GCNT4: variants seen among roughly 807,000 people sequenced by gnomAD.
The protein encoded by GCNT4 is beta-1,3-galactosyl-O-glycosyl-glycoprotein beta-1,6-N-acetylglucosaminyltransferase 4.
A neutral mutation model predicts 31.3 loss-of-function variants in GCNT4; 17 were observed. The ratio of observed to expected loss-of-function variants is 0.54; its 90% confidence interval spans 0.37 to 0.81. The LOEUF is 0.81. Ranked by LOEUF, GCNT4 falls within the 40% of genes least tolerant of loss-of-function variation. The pLI is 0.00. For synonymous variants in GCNT4, 158 were observed against 190.6 expected (o/e 0.83, Z 1.41); for missense variants, 503 against 525.5 (o/e 0.96, Z 0.42).
chr5:75,032,454 T>C (rs1743085395), intron 3 of GCNT4, among the ~76,000 whole-genome samples: 2 of 152,248 alleles, frequency 1.3e-5, no homozygotes, highest in Middle Eastern at 3.4e-3. Flanking sequence ...GGCAAGACCA[T>C]CCACTCATGG....
Position 75,030,052 on chromosome 5 carries a change from A to C in GCNT4, c.-1-14T>G, listed in dbSNP as rs748592227. On this transcript the variant is annotated splice_polypyrimidine_tract_variant and intron_variant, in intron 3 of 3. Transcript: ENST00000652361. ...AATATCTTCATTCTGTAAGAGGAGA[A>C]AGAAATAATCCAGTTGGAATATTAA... 6 of 1,571,962 alleles carry C rather than the reference A, an allele frequency of 3.8e-6. No homozygotes were observed. In the Admixed American group the frequency reaches 5.7e-5, roughly 15 times the overall value.
chr5:75,023,650 G>A (rs1182365903), downstream of GCNT4, among the ~76,000 whole-genome samples: 2 of 152,140 alleles, frequency 1.3e-5, no homozygotes, highest in Non-Finnish European at 1.5e-5. Context: ...TAAAAATATT[G>A]GCAGTGCGGG....
chr5:75,048,931 G>T (rs911810185), intron 2 of GCNT4, among the ~76,000 whole-genome samples: 3 of 152,176 alleles, frequency 2.0e-5, no homozygotes, highest in Non-Finnish European at 4.4e-5. Flanking sequence ...AACACAAATT[G>T]CTGAGCCTCA....
At chr5:75,032,872 G>GGTGGGTGGGTGTGTGTGT (rs55942109) in intron 3 of GCNT4, among the ~76,000 whole-genome samples, 3 of 130,646 alleles carry the variant, frequency 2.3e-5, no homozygotes, top group Non-Finnish European at 5.1e-5. Context: ...CCCAAATAGG[G>GGTGGGTGGGTGTGTGTGT]GTGTGTGTGT....
chr5:75,038,382 T>C (rs1326478251), intron 3 of GCNT4, among the ~76,000 whole-genome samples: 1 of 152,242 alleles, frequency 6.6e-6, no homozygotes, highest in Admixed American at 6.5e-5. Context: ...ATTTCTTCTC[T>C]AAATGTGTCT....
upstream of GCNT4, among the ~76,000 whole-genome samples, chr5:75,053,096 C>T (rs1235949830): frequency 6.6e-6 from 1 of 151,948 alleles, no homozygotes; most frequent in Non-Finnish European, 1.5e-5. Context: ...ATCCAGGACA[C>T]GCTCCGCGCC....
At chr5:75,038,040 T>C (rs979966541) in intron 3 of GCNT4, among the ~76,000 whole-genome samples, 5 of 151,274 alleles carry the variant, frequency 3.3e-5, no homozygotes, top group Non-Finnish European at 7.4e-5. Flanking sequence ...GTAGACAGTA[T>C]ATCCTTCCAG....
rs1418461772 is a variant in GCNT4 at position 75,026,770 on chromosome 5, C to T, written c.*1906G>A. On this transcript the variant is annotated 3_prime_UTR_variant, in exon 4 of 4. Coordinates refer to ENST00000652361, the MANE Select transcript of GCNT4 (RefSeq NM_001366737.1). ...CCAAAGTGACTTACCTGTCCACAGT[C>T]GCACACGAGTGAACTGGTATGGATC... 3.3e-5 allele frequency: 5 copies of T among 151,584 alleles called. No individual in the cohort carries two copies. Among genetic ancestry groups the T allele is most frequent in the Non-Finnish European group, 7.4e-5 (5 of 67,994 alleles). The allele number at this position is 151,584 out of a possible 1,614,324, so 9.4% of individuals were successfully genotyped here.
intron 3 of GCNT4, among the ~76,000 whole-genome samples, chr5:75,043,728 C>T (rs1260657057): frequency 1.3e-5 from 2 of 152,036 alleles, no homozygotes; most frequent in Non-Finnish European, 2.9e-5. Context: ...AAAAGTAAGC[C>T]CTTATATGTT....
chr5:75,050,178 G>A (rs979459394), intron 2 of GCNT4, among the ~76,000 whole-genome samples: 1 of 152,194 alleles, frequency 6.6e-6, no homozygotes, highest in Admixed American at 6.5e-5. Context: ...TCTCTGTTGC[G>A]TGATTATCAT....
chr5:75,021,368 G>GC (rs1431008169), downstream of GCNT4, among the ~76,000 whole-genome samples: 2 of 152,182 alleles, frequency 1.3e-5, no homozygotes, highest in Admixed American at 6.5e-5. Context: ...GCCCTGATTA[G>GC]CCCCGTTTAG....
intron 3 of GCNT4, among the ~76,000 whole-genome samples, chr5:75,037,504 C>A (rs776889663): frequency 6.6e-6 from 1 of 152,164 alleles, no homozygotes; most frequent in African/African-American, 2.4e-5. Context: ...TGAGGACAAG[C>A]ATTTCTCAAA....
chr5:75,017,976 C>T, the GCNT4 span, among the ~76,000 whole-genome samples: 52,436 of 152,080 alleles, frequency 0.34, 10,346 homozygotes, highest in African/African-American at 0.56. Flanking sequence ...ACCAGCAGCA[C>T]TGACACCACC....
upstream of GCNT4, among the ~76,000 whole-genome samples, chr5:75,053,647 C>T (rs1379152707): frequency 6.6e-6 from 1 of 151,962 alleles, no homozygotes; most frequent in Admixed American, 6.5e-5. Flanking sequence ...CTCCGTCGCC[C>T]TGCTGGGGAG....
intron 3 of GCNT4, chr5:75,030,251 AT>A (rs1478647272): frequency 1.2e-5 from 6 of 508,604 alleles, no homozygotes; most frequent in Admixed American, 7.6e-5. Flanking sequence ...ACTATACCTA[AT>A]TTTGAGAGAT....
intron 2 of GCNT4, among the ~76,000 whole-genome samples, chr5:75,050,584 A>C (rs1428855974): frequency 6.6e-6 from 1 of 152,116 alleles, no homozygotes; most frequent in African/African-American, 2.4e-5. Flanking sequence ...TGTGGCCACT[A>C]GGGAAGCCAT....
intron 3 of GCNT4, among the ~76,000 whole-genome samples, chr5:75,032,396 A>C (rs1340725310): frequency 1.3e-5 from 2 of 151,922 alleles, no homozygotes; most frequent in Non-Finnish European, 2.9e-5. Context: ...CGAGTCCAAA[A>C]CTGAACTCGA....
downstream of GCNT4, among the ~76,000 whole-genome samples, chr5:75,020,909 A>T (rs1175587697): frequency 1.3e-5 from 2 of 152,132 alleles, no homozygotes; most frequent in Non-Finnish European, 2.9e-5. Context: ...CTGAGTGATG[A>T]GGATGTTGGG....
intron 2 of GCNT4, among the ~76,000 whole-genome samples, chr5:75,051,785 C>T (rs1037601570): frequency 2.6e-5 from 4 of 152,152 alleles, no homozygotes; most frequent in Non-Finnish European, 4.4e-5. Flanking sequence ...TAAACTTTTT[C>T]CCCCAAAGAA....
Sources: allele counts gnomAD v4.1 joint callset (sites outside exome capture counted in the v4.1 genomes callset), GRCh38; gene constraint gnomAD v4.1.1; transcripts MANE v1.5; gene names NCBI Gene and HGNC (gene_info 2026-07-23, HGNC 2026-07-21).